FBXL14: variants seen among roughly 807,000 people sequenced by gnomAD.
The protein encoded by FBXL14 is F-box and leucine rich repeat protein 14.
A neutral mutation model predicts 24.5 loss-of-function variants in FBXL14; 11 were observed. The ratio of observed to expected loss-of-function variants is 0.45; its 90% CI spans 0.28 to 0.74. The LOEUF is 0.74. Among genes scored for constraint, FBXL14 ranks in the 30% least tolerant of loss-of-function variants. The probability of loss-of-function intolerance (pLI) is 0.12; values close to 1 mark genes in which losing one functional copy is unlikely to be tolerated. For missense variants in FBXL14, 384 were observed against 545.6 expected, an observed-to-expected ratio of 0.70 and a Z score of 2.95; for synonymous variants, 294 against 240.4, an observed-to-expected ratio of 1.22 and a Z score of -2.06.
chr12:1,594,246 C>T lies in FBXL14; in HGVS notation c.-180G>A, dbSNP rs1258032408. Reference sequence around the variant, plus strand: ...CCGGCCGCCGCCGCCGCTCCTCCTCCTGGTCCGTCCGTCCTTCCTTCCTGC... The same window carrying T: ...CCGGCCGCCGCCGCCGCTCCTCCTCTTGGTCCGTCCGTCCTTCCTTCCTGC... On this transcript the variant is annotated 5_prime_UTR_variant, in exon 1 of 2. Coordinates refer to ENST00000339235, the MANE Select transcript of FBXL14 (RefSeq NM_152441.3). 9.5e-6 allele frequency: 2 copies of T among 211,442 alleles called. No homozygotes were observed. Among genetic ancestry groups the T allele is most frequent in the East Asian group, 3.1e-4 (2 of 6,478 alleles). The allele number at this position is 211,442 out of a possible 1,614,324, so 13.1% of individuals were successfully genotyped here.
chr12:1,593,872 C>G lies in FBXL14; in HGVS notation c.195G>C (p.Leu65=), dbSNP rs2094495997. The G allele has an allele frequency of 6.2e-6, 10 of 1,611,786 alleles. No homozygotes were observed. Among genetic ancestry groups the G allele is most frequent in the Non-Finnish European group, 8.5e-6 (10 of 1,179,758 alleles). Reference sequence around the variant, plus strand: ...GCACCCGGCGGATGCCCCGGGCCTGCAGGCTGGGGAACAGCGACGGGTTGG... The same window carrying G: ...GCACCCGGCGGATGCCCCGGGCCTGGAGGCTGGGGAACAGCGACGGGTTGG... ...RRANPSLFPS[L]QARGIRRVQI... The change falls in exon 1 of 2, where the codon CTG becomes CTC. Residue 65 remains leucine (L), a synonymous_variant. Coordinates refer to ENST00000339235, the MANE Select transcript of FBXL14 (RefSeq NM_152441.3). This position sits in a 1 kb window ranked among gnomAD's most constrained non-coding sequence, Gnocchi z 7.4.
At chr12:1,592,200 ATATATATAATT>A (rs886749912) in intron 1 of FBXL14, among the ~76,000 whole-genome samples, 1 of 147,618 alleles carries the variant, frequency 6.8e-6, no homozygotes, top group African/African-American at 2.5e-5. Context: ...GTATATATAT[ATATATATAATT>A]TATATATATA....
intron 1 of FBXL14, among the ~76,000 whole-genome samples, chr12:1,583,240 A>T (rs1048009878): frequency 9.9e-5 from 15 of 152,150 alleles, no homozygotes; most frequent in African/African-American, 3.4e-4. Context: ...AAAAAAAACT[A>T]GCTCTTTTTC....
In FBXL14 at chr12:1,567,888, C is replaced by T. The variant is rs1376426955; in HGVS notation, c.1195-1078G>A. On this transcript the variant is annotated intron_variant, in intron 1 of 1. Coordinates refer to ENST00000339235, the MANE Select transcript of FBXL14 (RefSeq NM_152441.3). This position sits in a 1 kb window ranked among gnomAD's most constrained non-coding sequence, Gnocchi z 4.8. ...AAGAAAACCCACCCACACGCACACG[C>T]GCGCACACACGTGCGCACACACACA... 3.3e-5 allele frequency among the ~76,000 whole-genome samples: 5 copies of T among 152,116 alleles called. No homozygotes were observed. Among genetic ancestry groups the T allele is most frequent in the Non-Finnish European group, 5.9e-5 (4 of 67,996 alleles).
intron 1 of FBXL14, among the ~76,000 whole-genome samples, chr12:1,589,121 CT>C (rs2094482953): frequency 6.6e-6 from 1 of 150,742 alleles, no homozygotes. Context: ...CGCAGAGTGG[CT>C]CACGCCTGTA....
intron 1 of FBXL14, among the ~76,000 whole-genome samples, chr12:1,580,392 C>A (rs939764119): frequency 2.6e-5 from 4 of 152,204 alleles, no homozygotes. Flanking sequence ...TCCAAACTCT[C>A]TACATCTTTT....
In FBXL14 at chr12:1,579,138, C is replaced by T. The variant is rs2094461457; in HGVS notation, c.1195-12328G>A. Among the ~76,000 whole-genome samples, 1 of 152,016 alleles carries T rather than the reference C, an allele frequency of 6.6e-6. No homozygotes were observed. The highest frequency in any genetic ancestry group is 2.4e-5 in the African/African-American group (1 of 41,396). On this transcript the variant is annotated intron_variant, in intron 1 of 1. Coordinates refer to ENST00000339235, the MANE Select transcript of FBXL14 (RefSeq NM_152441.3). The surrounding 1 kb of genome is among the most constrained non-coding windows in gnomAD (Gnocchi z 4.3). ...TCCCCAAAAGAAGTATGAAAGCCGACATAAAATACGAATATGATCTTTGCA... is the reference window on the plus strand; with the variant it reads ...TCCCCAAAAGAAGTATGAAAGCCGATATAAAATACGAATATGATCTTTGCA...
chr12:1,582,457 T>C (rs2094468584), intron 1 of FBXL14, among the ~76,000 whole-genome samples: 1 of 152,160 alleles, frequency 6.6e-6, no homozygotes, highest in Non-Finnish European at 1.5e-5. Flanking sequence ...GATACGTGTT[T>C]GCTTTTCTTT....
At chr12:1,590,521 G>C (rs1049585459) in intron 1 of FBXL14, among the ~76,000 whole-genome samples, 5 of 152,060 alleles carry the variant, frequency 3.3e-5, no homozygotes, top group African/African-American at 9.7e-5. Context: ...CACACCCATA[G>C]GTCTCCACAG....
chr12:1,591,284 C>T (rs2094489053), intron 1 of FBXL14, among the ~76,000 whole-genome samples: 1 of 151,984 alleles, frequency 6.6e-6, no homozygotes. Flanking sequence ...AACAACACCT[C>T]CTACCTTGGC....
At chr12:1,591,670 AC>A (rs1444850556) in intron 1 of FBXL14, among the ~76,000 whole-genome samples, 2 of 152,182 alleles carry the variant, frequency 1.3e-5, no homozygotes, top group Admixed American at 6.5e-5. Context: ...CCATTTAGAA[AC>A]GGAATTTTTT....
intron 1 of FBXL14, among the ~76,000 whole-genome samples, chr12:1,568,932 C>T (rs2094440735): frequency 6.6e-6 from 1 of 152,168 alleles, no homozygotes. Context: ...AAACCCACTT[C>T]AGATATAAAT....
chr12:1,594,112 C>A lies in FBXL14; in HGVS notation c.-46G>T. On this transcript the variant is annotated 5_prime_UTR_variant, in exon 1 of 2. Transcript: ENST00000339235. ...GGCGCTGGGGGGAGGAGGCGCGGGC[C>A]CCGCCGCTCCGGCCTCGGGCAGGCG... 1 of 1,317,890 alleles carries A rather than the reference C, an allele frequency of 7.6e-7. No individual in the cohort carries two copies. Among genetic ancestry groups the A allele is most frequent in the Non-Finnish European group, 9.6e-7 (1 of 1,036,524 alleles). The allele number at this position is 1,317,890 out of a possible 1,614,324, so 81.6% of individuals were successfully genotyped here.
intron 1 of FBXL14, among the ~76,000 whole-genome samples, chr12:1,580,097 C>T (rs1156606137): frequency 1.3e-5 from 2 of 152,180 alleles, no homozygotes; most frequent in African/African-American, 4.8e-5. Context: ...TTAGGAGTAA[C>T]GTGGACATTT....
chr12:1,594,345 C>CCTCGCT lies in FBXL14; in HGVS notation c.-285_-280dup, dbSNP rs1028733898. Among the ~76,000 whole-genome samples the CCTCGCT allele has an allele frequency of 9.7e-5, 14 of 144,876 alleles. No individual in the cohort carries two copies. Among genetic ancestry groups the CCTCGCT allele is most frequent in the African/African-American group, 3.2e-4 (13 of 40,264 alleles). On this transcript the variant is annotated 5_prime_UTR_variant, in exon 1 of 2. Transcript: ENST00000339235. ...GCTCACATCCCGGGCGGGGAAGGCG[C>CCTCGCT]CTCGCTCTCGCTCCCGGAGGCCGGC... is the stretch of plus-strand genomic sequence containing the variant.
At position 1,575,999 on chromosome 12, in the gene FBXL14, A is replaced by G. The variant is rs1435331203; in HGVS notation, c.1195-9189T>C. Reference sequence around the variant, plus strand: ...TGTCCTCATGGAGATGCACATGACAAATTGTGTGCAATGCCTCAGCACAGC... The same window carrying G: ...TGTCCTCATGGAGATGCACATGACAGATTGTGTGCAATGCCTCAGCACAGC... On this transcript the variant is annotated intron_variant, in intron 1 of 1. Transcript: ENST00000339235. 3.3e-5 allele frequency among the ~76,000 whole-genome samples: 5 copies of G among 152,178 alleles called. No homozygotes were observed. The East Asian group carries it at 9.6e-4, about 29-fold the overall frequency.
chr12:1,582,507 G>A (rs2094468708), intron 1 of FBXL14, among the ~76,000 whole-genome samples: 1 of 152,064 alleles, frequency 6.6e-6, no homozygotes, highest in African/African-American at 2.4e-5. Flanking sequence ...TGCCTTCCCT[G>A]AATCTGTATT....
chr12:1,566,514 T>C lies in FBXL14; in HGVS notation c.*234A>G, dbSNP rs2094436563. 2.2e-6 allele frequency: 1 copy of C among 448,700 alleles called. No individual in the cohort carries two copies. The highest frequency in any genetic ancestry group is 4.1e-5 in the Admixed American group (1 of 24,546). The allele number at this position is 448,700 out of a possible 1,614,324, so 27.8% of individuals were successfully genotyped here. ...AACAGACTGAAAAAGCAAGTCTCCT[T>C]GGATCCATAAAGGAAGCGAGGTCTC... On this transcript the variant is annotated 3_prime_UTR_variant, in exon 2 of 2. Transcript: ENST00000339235.
chr12:1,591,029 C>T (rs965062294), intron 1 of FBXL14, among the ~76,000 whole-genome samples: 11 of 152,178 alleles, frequency 7.2e-5, no homozygotes, highest in Admixed American at 4.6e-4. Flanking sequence ...ACTGGCCACT[C>T]GGGGAAACTG....
Sources: gnomAD v4.1 joint callset for allele counts (sites outside exome capture counted in the v4.1 genomes callset) on GRCh38, gnomAD v4.1.1 for gene constraint, Gnocchi (gnomAD v3.1) non-coding constraint, MANE v1.5 for transcripts, NCBI Gene and HGNC (gene_info 2026-07-23, HGNC 2026-07-21) for gene names.